CXCL13: variants seen among roughly 807,000 people sequenced by gnomAD.
CXCL13 encodes the protein C-X-C motif chemokine 13.
Under a neutral mutation model 12.2 loss-of-function variants are expected in CXCL13, and 7 were observed. That is an observed-to-expected ratio of 0.57 (90% CI 0.33 to 1.07). The LOEUF (loss-of-function observed/expected upper bound fraction) is 1.07, where lower values mean the gene tolerates loss of function less well. Ranked by LOEUF, CXCL13 falls within the 50% of genes least tolerant of loss-of-function variation. CXCL13 has a pLI of 0.04. For missense variants in CXCL13, 113 were observed against 127.4 expected, an observed-to-expected ratio of 0.89 and a Z score of 0.55; for synonymous variants, 47 against 42.4, an observed-to-expected ratio of 1.11 and a Z score of -0.42.
At chr4:77,520,980 G>GT (rs943883243) in intron 1 of CXCL13, among the ~76,000 whole-genome samples, 4 of 152,110 alleles carry the variant, frequency 2.6e-5, no homozygotes, top group Non-Finnish European at 4.4e-5. Flanking sequence ...TAATCATGTG[G>GT]TTTTTTGTCA....
intron 1 of CXCL13, among the ~76,000 whole-genome samples, chr4:77,540,334 GT>G (rs1294085828): frequency 6.6e-6 from 1 of 152,154 alleles, no homozygotes; most frequent in East Asian, 1.9e-4. Context: ...ATGATGTTGA[GT>G]TTTGGGGTAT....
Position 77,562,621 on chromosome 4 carries a change from C to A in CXCL13, c.-42-43203C>A, listed in dbSNP as rs1005372260. Among the ~76,000 whole-genome samples, 6 of 142,572 alleles carry A rather than the reference C, an allele frequency of 4.2e-5. 1 individual carries two copies. Among genetic ancestry groups the A allele is most frequent in the Admixed American group, 3.3e-4 (5 of 14,928 alleles). The allele number at this position is 142,572 out of a possible 152,430, so 93.5% of individuals were successfully genotyped here. ...GTCTAGCTCAAGGTTTGTAAACACA[C>A]CAATCAGCACTCTGTATCTAGCTAA... is the stretch of plus-strand genomic sequence containing the variant. On this transcript the variant is annotated intron_variant, in intron 1 of 4. Transcript: ENST00000286758.
chr4:77,552,358 C>T (rs1443771439), intron 1 of CXCL13, among the ~76,000 whole-genome samples: 2 of 152,080 alleles, frequency 1.3e-5, no homozygotes, highest in Non-Finnish European at 1.5e-5. Context: ...TTTGGCTTTG[C>T]TTCTATAGTC....
At chr4:77,579,830 G>C (rs542131268) in intron 1 of CXCL13, among the ~76,000 whole-genome samples, 165 of 152,258 alleles carry the variant, frequency 1.1e-3, no homozygotes, top group Admixed American at 1.6e-3. Context: ...AGCACTCAGG[G>C]AGCCTTAGAT....
chr4:77,533,198 A>G (rs1724973686), intron 1 of CXCL13, among the ~76,000 whole-genome samples: 1 of 152,138 alleles, frequency 6.6e-6, no homozygotes, highest in Admixed American at 6.5e-5. Context: ...ATGGTGAAGT[A>G]CAGATGGGGT....
intron 1 of CXCL13, among the ~76,000 whole-genome samples, chr4:77,543,424 A>G (rs1725255474): frequency 6.6e-6 from 1 of 151,610 alleles, no homozygotes; most frequent in African/African-American, 2.4e-5. Flanking sequence ...TCTTGTTTTT[A>G]TTATTCTTAT....
intron 1 of CXCL13, among the ~76,000 whole-genome samples, chr4:77,535,915 C>T (rs889858622): frequency 6.6e-6 from 1 of 152,170 alleles, no homozygotes; most frequent in African/African-American, 2.4e-5. Context: ...TCCTGTCCCA[C>T]AAAAGTTGGG....
intron 1 of CXCL13, among the ~76,000 whole-genome samples, chr4:77,569,068 C>A (rs886821478): frequency 1.2e-4 from 18 of 152,200 alleles, no homozygotes; most frequent in Non-Finnish European, 1.9e-4. Context: ...GCAATTGGAG[C>A]AAATTCAAAT....
At chr4:77,562,123 C>A (rs1001711474) in intron 1 of CXCL13, among the ~76,000 whole-genome samples, 1 of 152,020 alleles carries the variant, frequency 6.6e-6, no homozygotes, top group Admixed American at 6.5e-5. Context: ...GCCTCAGGAC[C>A]TGCAGCCCTC....
At chr4:77,537,304 G>C (rs958701438) in intron 1 of CXCL13, among the ~76,000 whole-genome samples, 1 of 152,192 alleles carries the variant, frequency 6.6e-6, no homozygotes, top group Non-Finnish European at 1.5e-5. Context: ...GCAGAGAGGA[G>C]CTGTGTGTGG....
At position 77,532,344 on chromosome 4, in the gene CXCL13, T is replaced by C. The variant is rs141704999; in HGVS notation, c.-43+20556T>C. On this transcript the variant is annotated intron_variant, in intron 1 of 4. Transcript: ENST00000286758. ...TGGAGATGAAATTCTGAGTTGAAAA[T>C]TCTTTTCTTTAAGAATGTTGAATAT... 6.4e-3 allele frequency among the ~76,000 whole-genome samples: 980 copies of C among 152,326 alleles called. 8 individuals carry two copies. Among genetic ancestry groups the C allele is most frequent in the African/African-American group, 0.022 (930 of 41,556 alleles).
At chr4:77,544,890 C>T (rs189496967) in intron 1 of CXCL13, among the ~76,000 whole-genome samples, 8 of 151,994 alleles carry the variant, frequency 5.3e-5, no homozygotes, top group African/African-American at 7.2e-5. Flanking sequence ...GTCTAACATG[C>T]AAGTCTTTAA....
chr4:77,524,025 G>C (rs1357951392), intron 1 of CXCL13, among the ~76,000 whole-genome samples: 1 of 151,840 alleles, frequency 6.6e-6, no homozygotes, highest in African/African-American at 2.4e-5. Flanking sequence ...TGTTTTCCTG[G>C]GTATCTCCAG....
chr4:77,539,732 G>T (rs1435543378), intron 1 of CXCL13, among the ~76,000 whole-genome samples: 1 of 152,150 alleles, frequency 6.6e-6, no homozygotes, highest in Admixed American at 6.5e-5. Context: ...CCAGTTTCAG[G>T]TGTTTATATT....
rs72861922 is a variant in CXCL13 at position 77,537,414 on chromosome 4, G to A, written c.-43+25626G>A. Among the ~76,000 whole-genome samples, 662 of 152,298 alleles carry A rather than the reference G, an allele frequency of 4.3e-3. 7 individuals are homozygous for A. The highest frequency in any genetic ancestry group is 0.015 in the African/African-American group (627 of 41,572). ...ATCACACCTCCAGCTTGTTGTCAGAGCTCCCTATTGGGGAAACCTAAAGAA... is the reference window on the plus strand; with the variant it reads ...ATCACACCTCCAGCTTGTTGTCAGAACTCCCTATTGGGGAAACCTAAAGAA... On this transcript the variant is annotated intron_variant, in intron 1 of 4. Transcript: ENST00000286758.
chr4:77,586,776 A>G (rs1048146341), intron 1 of CXCL13, among the ~76,000 whole-genome samples: 1 of 152,226 alleles, frequency 6.6e-6, no homozygotes. Context: ...GATGTTAGTC[A>G]GGGGCACTTC....
rs1407306769 is a variant in CXCL13, at chr4:77,536,690, A to C, written c.-43+24902A>C. Reference sequence around the variant, plus strand: ...CACCTAGAAGAAGATTACAAGGTGCAAAGTGTGGCAAAGAAACAAGAGGAA... The same window carrying C: ...CACCTAGAAGAAGATTACAAGGTGCCAAGTGTGGCAAAGAAACAAGAGGAA... On this transcript the variant is annotated intron_variant, in intron 1 of 4. Transcript: ENST00000286758. Among the ~76,000 whole-genome samples, 2 of 152,342 alleles carry C rather than the reference A, an allele frequency of 1.3e-5. 1 individual carries two copies. Among genetic ancestry groups the C allele is most frequent in the South Asian group, 4.1e-4 (2 of 4,822 alleles).
intron 1 of CXCL13, among the ~76,000 whole-genome samples, chr4:77,590,734 C>G (rs1726584211): frequency 6.6e-6 from 1 of 152,208 alleles, no homozygotes; most frequent in South Asian, 2.1e-4. Flanking sequence ...CTTATAAATT[C>G]AAATGGGTTT....
At chr4:77,550,701 C>T (rs1725495422) in intron 1 of CXCL13, among the ~76,000 whole-genome samples, 2 of 152,150 alleles carry the variant, frequency 1.3e-5, no homozygotes, top group South Asian at 2.1e-4. Context: ...TTGTCTGATG[C>T]TGTCAGTAGG....
Sources: gnomAD v4.1 joint callset for allele counts (sites outside exome capture counted in the v4.1 genomes callset) on GRCh38, gnomAD v4.1.1 for gene constraint, MANE v1.5 for transcripts, NCBI Gene and HGNC (gene_info 2026-07-23, HGNC 2026-07-21) for gene names.